The following ALS2 variants were observed in gnomAD, a reference collection of about 807,000 sequenced individuals.
The protein encoded by ALS2 is alsin.
Under a neutral mutation model 203.4 loss-of-function variants are expected in ALS2, and 117 were observed. The ratio of observed to expected loss-of-function variants is 0.58; its 90% confidence interval spans 0.50 to 0.67. ALS2 has a LOEUF of 0.67. Among genes scored for constraint, ALS2 ranks in the 30% least tolerant of loss-of-function variants. ALS2 has a pLI of 0.00. For missense variants in ALS2, 1,715 were observed against 1,989.4 expected, an observed-to-expected ratio of 0.86 and a Z score of 2.62; for synonymous variants, 718 against 725.9, an observed-to-expected ratio of 0.99 and a Z score of 0.17.
intron 3 of ALS2, among the ~76,000 whole-genome samples, chr2:201,766,017 C>T (rs529435044): frequency 6.6e-6 from 1 of 152,244 alleles, no homozygotes; most frequent in East Asian, 1.9e-4. Flanking sequence ...GGTAGCAGTG[C>T]AGATTCAGTG....
Position 201,723,108 on chromosome 2 carries a change from A to T in ALS2, c.3637T>A (p.Leu1213Met), listed in dbSNP as rs1162410316. 1 of 1,613,200 alleles carries T rather than the reference A, an allele frequency of 6.2e-7. No individual in the cohort carries two copies. The highest frequency in any genetic ancestry group is 1.1e-5 in the South Asian group (1 of 91,060). The part of the protein sequence containing the change: ...HLNKMMGNGV[L>M]LSEDDTIYEG... Reference sequence around the variant, plus strand: ...TAGATAGTATCATCTTCGGAAAGCAAAACCCCATTTCCCTACAAGAAGAAA... The same window carrying T: ...TAGATAGTATCATCTTCGGAAAGCATAACCCCATTTCCCTACAAGAAGAAA... Residue 1213 changes from leucine to methionine, a missense_variant, in exon 23 of 34, where the codon TTG (leucine) becomes ATG (methionine). Transcript: ENST00000264276.
chr2:201,738,996 T>C (rs1692067059), intron 11 of ALS2, among the ~76,000 whole-genome samples: 1 of 151,950 alleles, frequency 6.6e-6, no homozygotes, highest in Non-Finnish European at 1.5e-5. Context: ...CCCAGCACTT[T>C]GGGAGGCTAA....
At chr2:201,758,301 G>C (rs764277083) in intron 4 of ALS2, among the ~76,000 whole-genome samples, 1 of 152,112 alleles carries the variant, frequency 6.6e-6, no homozygotes, top group African/African-American at 2.4e-5. Flanking sequence ...GGAAAAATAA[G>C]TTATACCTGT....
At chr2:201,738,627 T>G in intron 12 of ALS2, 43 bp downstream of exon 12, 1 of 1,576,236 alleles carries the variant, frequency 6.3e-7, no homozygotes, top group Non-Finnish European at 8.7e-7. Flanking sequence ...AAATGTCATC[T>G]TTGGCGGAGA....
rs377247745 is a variant in ALS2, at chr2:201,754,520, G to A, written c.1623C>T (p.His541=). ...WGKGKEGQLG[H]GDVLPRLQPL... ...GCGCTTACCTAGGCAGAACATCGCC[G>A]TGCCCCAGCTGCCCTTCCTTCCCTT... Residue 541 remains histidine, a synonymous_variant, in exon 6 of 34, where the codon CAC becomes CAT. Coordinates refer to ENST00000264276, the MANE Select transcript of ALS2 (RefSeq NM_020919.4). 6.9e-5 allele frequency: 112 copies of A among 1,613,992 alleles called. No individual in the cohort carries two copies. Among genetic ancestry groups the A allele is most frequent in the Admixed American group, 2.7e-4 (16 of 59,988 alleles).
chr2:201,702,929 A>C (rs536893346), intron 33 of ALS2, among the ~76,000 whole-genome samples: 3 of 152,288 alleles, frequency 2.0e-5, no homozygotes, highest in African/African-American at 7.2e-5. Context: ...CAGCCTGGCC[A>C]ACCTGGTGAA....
At chr2:201,714,884 C>G (rs1166917591) in intron 25 of ALS2, among the ~76,000 whole-genome samples, 3 of 152,178 alleles carry the variant, frequency 2.0e-5, no homozygotes, top group African/African-American at 4.8e-5. Context: ...GCTTGTTTCC[C>G]AGAGCTCTTC....
At position 201,763,862 on chromosome 2, in the gene ALS2, T is replaced by G. The variant is rs542978487; in HGVS notation, c.176-2044A>C. Among the ~76,000 whole-genome samples the G allele has an allele frequency of 2.2e-3, 341 of 152,256 alleles. 1 individual carries two copies. The highest frequency in any genetic ancestry group is 7.5e-3 in the African/African-American group (313 of 41,552). ...AATGAAACAAAGACTTGGCTACGGG[T>G]TTTAAAAAATACTGAGCCAAGCCCA... On this transcript the variant is annotated intron_variant, in intron 3 of 33. Transcript: ENST00000264276.
Position 201,711,023 on chromosome 2 carries a change from T to C in ALS2, c.4090A>G (p.Lys1364Glu). The C allele has an allele frequency of 1.2e-6, 2 of 1,610,978 alleles. No homozygotes were observed. Among genetic ancestry groups the C allele is most frequent in the Non-Finnish European group, 1.7e-6 (2 of 1,177,264 alleles). The change falls in exon 26 of 34, where the codon AAA (lysine) becomes GAA (glutamate). Residue 1364 changes from lysine to glutamate, a missense_variant. Physicochemically the swap from Lys to Glu is moderately conservative, Grantham distance 56 (BLOSUM62 1). This residue lies in a region of ALS2 where 1,227 missense variants were observed against 1,413.5 expected (regional missense o/e 0.87). Coordinates refer to ENST00000264276, the MANE Select transcript of ALS2 (RefSeq NM_020919.4). Reference protein sequence around the residue: ...PQHVGAFSVEKYDDIRKYLIK... With the variant: ...PQHVGAFSVEEYDDIRKYLIK... ...AAATATTTCCTGATGTCATCATATT[T>C]CTCCACAGAGAAGGCACCAACATGC...
At chr2:201,765,690 T>C (rs748819047) in intron 3 of ALS2, 2 of 167,082 alleles carry the variant, frequency 1.2e-5, no homozygotes, top group Non-Finnish European at 1.5e-5. Flanking sequence ...TAGATGGCAA[T>C]TGGTGCCCAA....
At chr2:201,778,739 T>A (rs1290158273) in intron 1 of ALS2, among the ~76,000 whole-genome samples, 1 of 152,198 alleles carries the variant, frequency 6.6e-6, no homozygotes, top group Non-Finnish European at 1.5e-5. Flanking sequence ...ATATCCTGAA[T>A]ACACTTGAAA....
chr2:201,744,738 C>G (rs1692517890), intron 9 of ALS2, among the ~76,000 whole-genome samples: 1 of 150,182 alleles, frequency 6.7e-6, no homozygotes, highest in Non-Finnish European at 1.5e-5. Flanking sequence ...TTTCAATTAT[C>G]TCCAAGATAC....
In ALS2 at chr2:201,727,802, T is replaced by C. The variant is rs1363978773; in HGVS notation, c.2842-27A>G. 6 of 1,548,958 alleles carry C rather than the reference T, an allele frequency of 3.9e-6. No homozygotes were observed. In the African/African-American group the frequency reaches 5.5e-5, roughly 14 times the overall value. On this transcript the variant is annotated intron_variant, in intron 15 of 33. Transcript: ENST00000264276. Reference sequence around the variant, plus strand: ...TGAAACAGAGAACACGGAGGCACTTTTATGAAAGCCCATGTAGACCTCGGG... The same window carrying C: ...TGAAACAGAGAACACGGAGGCACTTCTATGAAAGCCCATGTAGACCTCGGG...
At chr2:201,705,787 G>T (rs972573682) in intron 29 of ALS2, among the ~76,000 whole-genome samples, 2 of 151,712 alleles carry the variant, frequency 1.3e-5, no homozygotes, top group African/African-American at 2.4e-5. Flanking sequence ...ACAAAAATAA[G>T]AAAATATAAA....
At position 201,723,437 on chromosome 2, in the gene ALS2, C is replaced by T. The variant is rs41309046; in HGVS notation, c.3517G>A (p.Glu1173Lys). The T allele has an allele frequency of 1.1e-3, 1,717 of 1,610,156 alleles. 10 individuals are homozygous for T. The East Asian group carries it at 0.021, about 20-fold the overall frequency. Residue 1173 changes from glutamate to lysine, a missense_variant, in exon 22 of 34, where the codon GAA becomes AAA. Glu to Lys is a moderately conservative substitution (Grantham distance 56). This residue lies in a region of ALS2 where 1,227 missense variants were observed against 1,413.5 expected (regional missense o/e 0.87). Coordinates refer to ENST00000264276, the MANE Select transcript of ALS2 (RefSeq NM_020919.4). ...TCTTGCCACATTCCCATATACTTTT[C>T]CCCCCTGCACAGAAATAAAAAGAAA... ...YGVFDDITRG[E>K]KYMGMWQDDV...
intron 1 of ALS2, among the ~76,000 whole-genome samples, chr2:201,773,161 A>G (rs1419323047): frequency 2.0e-5 from 3 of 152,270 alleles, no homozygotes; most frequent in East Asian, 1.9e-4. Flanking sequence ...CGAAGGGCCA[A>G]TGATTTATTT....
In ALS2 at chr2:201,761,729, C is replaced by T. The variant is rs762096556; in HGVS notation, c.265G>A (p.Val89Ile). 1.9e-6 allele frequency: 3 copies of T among 1,614,042 alleles called. No individual in the cohort carries two copies. Among genetic ancestry groups the T allele is most frequent in the Non-Finnish European group, 2.5e-6 (3 of 1,180,024 alleles). ...GCCACAGTAATAACATATTGCCCAA[C>T]CAGGGCATTTTCTAGAATGGGGCTA... ...PSSPILENALVGQYVITVATG... is the reference protein window; with the variant it reads ...PSSPILENALIGQYVITVATG... The change falls in exon 4 of 34, where the codon GTT becomes ATT. Residue 89 changes from valine (V) to isoleucine (I), a missense_variant. Val to Ile is a conservative substitution (Grantham distance 29). This residue lies in a region of ALS2 where 476 missense variants were observed against 539.3 expected (regional missense o/e 0.88). Transcript: ENST00000264276.
chr2:201,754,765 G>A (rs575816705), intron 5 of ALS2, 94 bp from the exon 6 acceptor site: 14 of 1,330,834 alleles, frequency 1.1e-5, no homozygotes, highest in East Asian at 4.7e-5. Context: ...AAAAACATAC[G>A]CCACCAATGG....
intron 5 of ALS2, among the ~76,000 whole-genome samples, chr2:201,755,383 C>G (rs1395215299): frequency 6.6e-6 from 1 of 152,098 alleles, no homozygotes; most frequent in African/African-American, 2.4e-5. Context: ...CTGCCTCAGC[C>G]TCCTGAGTAG....
Sources: allele counts gnomAD v4.1 joint callset (sites outside exome capture counted in the v4.1 genomes callset), GRCh38; gene constraint gnomAD v4.1.1; regional missense constraint gnomAD v4.1.1; transcripts MANE v1.5; gene names NCBI Gene and HGNC (gene_info 2026-07-23, HGNC 2026-07-21).